Variants in TRMT11 observed in about 807,000 individuals in gnomAD.
The protein encoded by TRMT11 is tRNA (guanine(10)-N(2))-methyltransferase TRMT11.
In TRMT11, 53 loss-of-function variants were observed where a neutral mutation model predicts 62.8. The ratio of observed to expected loss-of-function variants is 0.84; its 90% CI spans 0.68 to 1.06. TRMT11 has a LOEUF of 1.06. Ranked by LOEUF, TRMT11 falls within the 50% of genes least tolerant of loss-of-function variation. The probability of loss-of-function intolerance (pLI) is 0.00; values close to 1 mark genes in which losing one functional copy is unlikely to be tolerated. For missense variants in TRMT11, 556 were observed against 553.4 expected (o/e 1.00, Z -0.05); for synonymous variants, 188 against 190.3 (o/e 0.99, Z 0.10).
At chr6:126,163,334 T>A (rs923567110) in intron 21 of TRMT11, among the ~76,000 whole-genome samples, 7 of 152,332 alleles carry the variant, frequency 4.6e-5, no homozygotes, top group African/African-American at 1.7e-4. Context: ...TTTTTGTCAT[T>A]AGTTCTGTTT....
At chr6:126,101,840 G>A (rs566306579) in intron 17 of TRMT11, among the ~76,000 whole-genome samples, 84 of 152,292 alleles carry the variant, frequency 5.5e-4, no homozygotes, top group African/African-American at 1.9e-3. Context: ...CAAGCCAGAT[G>A]CCAATTGTCT....
the TRMT11 span, among the ~76,000 whole-genome samples, chr6:126,239,030 AC>A: frequency 6.6e-6 from 1 of 151,320 alleles, no homozygotes; most frequent in Non-Finnish European, 1.5e-5. Context: ...CTAGGATTGC[AC>A]CCCCTTCCTT....
chr6:126,165,800 C>T (rs1778252006), intron 21 of TRMT11, among the ~76,000 whole-genome samples: 1 of 152,102 alleles, frequency 6.6e-6, no homozygotes, highest in Non-Finnish European at 1.5e-5. Context: ...GTGGTATTCT[C>T]TGTATTTCCT....
chr6:126,037,091 A>G (rs554883025), intron 12 of TRMT11, among the ~76,000 whole-genome samples: 152 of 152,080 alleles, frequency 1.0e-3, no homozygotes, highest in Non-Finnish European at 1.9e-3. Context: ...TCCATCACCT[A>G]TATTCTCAGA....
At chr6:126,123,291 T>A (rs1319462236) in intron 21 of TRMT11, among the ~76,000 whole-genome samples, 1 of 152,092 alleles carries the variant, frequency 6.6e-6, no homozygotes, top group East Asian at 1.9e-4. Flanking sequence ...GTAGTAGAGT[T>A]GGAGCCATCT....
intron 12 of TRMT11, 46 bp downstream of exon 12, chr6:126,021,326 A>G: frequency 6.3e-7 from 1 of 1,598,500 alleles, no homozygotes; most frequent in South Asian, 1.1e-5. Flanking sequence ...AAGAATCAAA[A>G]GTAGTTGTTT....
At chr6:126,195,641 A>G (rs1041150243) in intron 1 of TRMT11, among the ~76,000 whole-genome samples, 4 of 152,186 alleles carry the variant, frequency 2.6e-5, no homozygotes, top group Non-Finnish European at 5.9e-5. Context: ...ATGTTCAGGC[A>G]TCTTACCCCT....
At chr6:126,186,151 A>C (rs1014895498) in intron 1 of TRMT11, among the ~76,000 whole-genome samples, 2 of 152,212 alleles carry the variant, frequency 1.3e-5, no homozygotes, top group Admixed American at 6.5e-5. Flanking sequence ...TTGTCAGAGC[A>C]CAAAGGTCTT....
downstream of TRMT11, among the ~76,000 whole-genome samples, chr6:126,040,589 A>G (rs948586115): frequency 4.3e-4 from 65 of 151,972 alleles, 1 homozygote; most frequent in African/African-American, 1.4e-3. Flanking sequence ...CTGGTTTTCT[A>G]TGTTACCACT....
the TRMT11 span, among the ~76,000 whole-genome samples, chr6:126,247,325 A>T: frequency 6.6e-6 from 1 of 151,786 alleles, no homozygotes; most frequent in Non-Finnish European, 1.5e-5. Flanking sequence ...AAATAATCTT[A>T]TACACACACA....
At chr6:126,048,120 T>C (rs1404766948) in intron 16 of TRMT11, among the ~76,000 whole-genome samples, 1 of 152,288 alleles carries the variant, frequency 6.6e-6, no homozygotes, top group Admixed American at 6.5e-5. Flanking sequence ...TTCATAAAGG[T>C]TACATATAGG....
intron 17 of TRMT11, among the ~76,000 whole-genome samples, chr6:126,087,261 A>G (rs1777226327): frequency 6.6e-6 from 1 of 152,220 alleles, no homozygotes; most frequent in Admixed American, 6.5e-5. Flanking sequence ...GAAGAACATT[A>G]TATTGGAAAA....
At chr6:126,192,685 A>G (rs1267521676) in intron 1 of TRMT11, among the ~76,000 whole-genome samples, 2 of 152,184 alleles carry the variant, frequency 1.3e-5, no homozygotes, top group African/African-American at 2.4e-5. Context: ...ATTTTTCAAT[A>G]TCAACATAAT....
chr6:126,069,964 G>A (rs548149345), intron 17 of TRMT11, among the ~76,000 whole-genome samples: 14 of 151,792 alleles, frequency 9.2e-5, no homozygotes, highest in Non-Finnish European at 2.1e-4. Context: ...GTTAAGATAT[G>A]GCTACTTTCC....
At chr6:126,123,569 C>A (rs1777675178) in intron 21 of TRMT11, among the ~76,000 whole-genome samples, 1 of 151,906 alleles carries the variant, frequency 6.6e-6, no homozygotes, top group South Asian at 2.1e-4. Context: ...AACATAAGAA[C>A]TTCCTGATAG....
At chr6:126,013,152 G>GT in intron 11 of TRMT11, 51 bp downstream of exon 11, 1 of 1,508,948 alleles carries the variant, frequency 6.6e-7, no homozygotes, top group Non-Finnish European at 9.0e-7. Context: ...CAATGTTTGC[G>GT]TATCTAGTAT....
intron 21 of TRMT11, among the ~76,000 whole-genome samples, chr6:126,127,212 T>C (rs970919576): frequency 2.6e-5 from 4 of 151,976 alleles, no homozygotes; most frequent in African/African-American, 9.7e-5. Context: ...TTAGGATGGA[T>C]TGTGGGAACC....
intron 21 of TRMT11, among the ~76,000 whole-genome samples, chr6:126,130,274 C>A (rs866348762): frequency 6.6e-6 from 1 of 151,950 alleles, no homozygotes. Context: ...CACTGTTGCT[C>A]GATGTGGTGC....
downstream of TRMT11, among the ~76,000 whole-genome samples, chr6:126,202,802 C>T (rs541975358): frequency 6.6e-6 from 1 of 152,248 alleles, no homozygotes; most frequent in South Asian, 2.1e-4. Context: ...AATGTGATTT[C>T]TATGGGGGCG....
Sources: allele counts gnomAD v4.1 joint callset (sites outside exome capture counted in the v4.1 genomes callset), GRCh38; gene constraint gnomAD v4.1.1; transcripts MANE v1.5; gene names NCBI Gene and HGNC (gene_info 2026-07-23, HGNC 2026-07-21).